The following USH2A variants were observed in gnomAD, a reference collection of about 807,000 sequenced individuals.
USH2A encodes the protein Usher syndrome 2A (autosomal recessive, mild).
In USH2A, 443 loss-of-function variants were observed where a neutral mutation model predicts 538.9. That is an observed-to-expected ratio of 0.82 (90% confidence interval 0.76 to 0.89). The LOEUF (loss-of-function observed/expected upper bound fraction) is 0.89, where lower values mean the gene tolerates loss of function less well. USH2A is among the 40% of genes least tolerant of loss of function. USH2A has a pLI of 0.00. For synonymous variants in USH2A, 2,413 were observed against 2,273.5 expected (o/e 1.06, Z -1.75); for missense variants, 6,633 against 6,324.8 (o/e 1.05, Z -1.65).
At chr1:215,998,813 GA>G in intron 34 of USH2A, 73 bp downstream of exon 34, 1 of 1,513,802 alleles carries the variant, frequency 6.6e-7, no homozygotes. Flanking sequence ...GAGAGAGAAA[GA>G]AAAGATGGAC....
chr1:215,733,175 C>T (rs1187076397), intron 60 of USH2A, among the ~76,000 whole-genome samples: 4 of 120,906 alleles, frequency 3.3e-5, no homozygotes, highest in Non-Finnish European at 4.7e-5. Context: ...GTGCAGAGAG[C>T]AGGAGCAAGA....
chr1:215,850,280 A>G (rs148021017), intron 44 of USH2A, among the ~76,000 whole-genome samples: 23 of 152,332 alleles, frequency 1.5e-4, no homozygotes, highest in Admixed American at 1.4e-3. Flanking sequence ...ATTAGTAACC[A>G]TTAATATCAT....
At chr1:216,250,843 A>C in intron 12 of USH2A, 60 bp downstream of exon 12, 3 of 1,566,736 alleles carry the variant, frequency 1.9e-6, no homozygotes, top group Non-Finnish European at 2.6e-6. Context: ...GAAATCAAAT[A>C]GAGAATTTTA....
In USH2A at chr1:216,261,580, A is replaced by C. The variant is rs1008625871; in HGVS notation, c.1972-10482T>G. 5.3e-5 allele frequency among the ~76,000 whole-genome samples: 8 copies of C among 152,150 alleles called. 1 individual carries two copies. Among genetic ancestry groups the C allele is most frequent in the African/African-American group, 1.9e-4 (8 of 41,432 alleles). On this transcript the variant is annotated intron_variant, in intron 11 of 71. Coordinates refer to ENST00000307340, the MANE Select transcript of USH2A (RefSeq NM_206933.4). ...TTTTCAGAAATACACCAAAAGGAAAAAAAATTAAAGGAATAAGTTAATAAA... is the reference window on the plus strand; with the variant it reads ...TTTTCAGAAATACACCAAAAGGAAACAAAATTAAAGGAATAAGTTAATAAA...
intron 3 of USH2A, among the ~76,000 whole-genome samples, chr1:216,386,625 G>A (rs906583920): frequency 6.6e-6 from 1 of 150,454 alleles, no homozygotes; most frequent in Non-Finnish European, 1.5e-5. Flanking sequence ...GGAGGCTGAG[G>A]TAGGCAGATC....
intron 14 of USH2A, among the ~76,000 whole-genome samples, chr1:216,230,601 C>G (rs553066685): frequency 6.6e-6 from 1 of 151,622 alleles, no homozygotes; most frequent in African/African-American, 2.4e-5. Flanking sequence ...CAGTAATTAC[C>G]CTGTCACCTG....
chr1:215,916,738 T>A (rs1343394824), intron 38 of USH2A, among the ~76,000 whole-genome samples: 2 of 151,974 alleles, frequency 1.3e-5, no homozygotes, highest in Non-Finnish European at 2.9e-5. Flanking sequence ...GGGGCAGAGG[T>A]GGGTCAAGGG....
chr1:215,768,611 C>T (rs1244013540), intron 55 of USH2A, among the ~76,000 whole-genome samples: 6 of 152,060 alleles, frequency 3.9e-5, no homozygotes, highest in Non-Finnish European at 8.8e-5. Context: ...TAAGCCGTAC[C>T]CAAGCCACAT....
chr1:215,958,240 C>T (rs1426140264), intron 37 of USH2A, among the ~76,000 whole-genome samples: 2 of 151,968 alleles, frequency 1.3e-5, no homozygotes, highest in Admixed American at 6.6e-5. Flanking sequence ...CTCTGGGTAA[C>T]CTTGAAAAAT....
intron 21 of USH2A, among the ~76,000 whole-genome samples, chr1:216,138,581 T>A (rs1424940174): frequency 6.6e-6 from 1 of 152,178 alleles, no homozygotes; most frequent in Non-Finnish European, 1.5e-5. Context: ...AGTCCTCTTT[T>A]TTGGCTCATC....
rs767560250 is a variant in USH2A, at chr1:215,790,009, T to C, written c.10182+50A>G. 8.4e-6 allele frequency: 13 copies of C among 1,539,216 alleles called. No individual in the cohort carries two copies. The African/African-American group carries it at 1.8e-4, about 21-fold the overall frequency. ...GAAAAATAGTTATGAACAATGTATT[T>C]CTCTTTCCATTGTCAAATCAGCGCC... On this transcript the variant is annotated intron_variant, in intron 51 of 71. Transcript: ENST00000307340.
chr1:216,274,548 G>T (rs1305769873), intron 11 of USH2A, among the ~76,000 whole-genome samples: 1 of 152,054 alleles, frequency 6.6e-6, no homozygotes, highest in Non-Finnish European at 1.5e-5. Flanking sequence ...CCACATTAAT[G>T]TAACAGGCTA....
chr1:216,343,504 C>G (rs927892442), intron 4 of USH2A, among the ~76,000 whole-genome samples: 1 of 144,598 alleles, frequency 6.9e-6, no homozygotes, highest in Non-Finnish European at 1.5e-5. Flanking sequence ...CCAGCCTGGG[C>G]GACAAAGCAA....
chr1:215,753,146 A>C (rs1264882259), intron 58 of USH2A, among the ~76,000 whole-genome samples: 1 of 152,114 alleles, frequency 6.6e-6, no homozygotes, highest in East Asian at 1.9e-4. Context: ...GCAATCATTA[A>C]AAAGTCAGGA....
intron 4 of USH2A, among the ~76,000 whole-genome samples, chr1:216,354,892 C>T (rs553638852): frequency 2.6e-5 from 4 of 152,076 alleles, no homozygotes; most frequent in African/African-American, 9.6e-5. Flanking sequence ...AAAACACCAA[C>T]GTACATATCC....
intron 21 of USH2A, among the ~76,000 whole-genome samples, chr1:216,148,569 A>G (rs1376342988): frequency 1.3e-5 from 2 of 152,156 alleles, no homozygotes; most frequent in Non-Finnish European, 2.9e-5. Flanking sequence ...AAAGGATTAA[A>G]GCCTGTTATC....
Position 216,093,373 on chromosome 1 carries a change from C to T in USH2A, c.4758+3710G>A, listed in dbSNP as rs189333719. ...CAACTGGGAAAACTAATAGCAGTGACGAGTACTCTAAGCAATTGTGTGAAT... is the reference window on the plus strand; with the variant it reads ...CAACTGGGAAAACTAATAGCAGTGATGAGTACTCTAAGCAATTGTGTGAAT... On this transcript the variant is annotated intron_variant, in intron 22 of 71. Coordinates refer to ENST00000307340, the MANE Select transcript of USH2A (RefSeq NM_206933.4). Among the ~76,000 whole-genome samples the T allele has an allele frequency of 1.0e-3, 158 of 152,250 alleles. 1 individual carries two copies. The highest frequency in any genetic ancestry group is 1.3e-3 in the Admixed American group (20 of 15,294).
chr1:215,784,190 G>T (rs1661725128), intron 52 of USH2A, among the ~76,000 whole-genome samples: 1 of 151,982 alleles, frequency 6.6e-6, no homozygotes, highest in Non-Finnish European at 1.5e-5. Flanking sequence ...AGCTTCTAGT[G>T]GTCACATGAC....
intron 67 of USH2A, among the ~76,000 whole-genome samples, chr1:215,644,903 T>C (rs983938588): frequency 6.6e-6 from 1 of 151,840 alleles, no homozygotes. Context: ...ATTAGAAGGG[T>C]AGAAGGAACT....
Sources: gnomAD v4.1 joint callset for allele counts (sites outside exome capture counted in the v4.1 genomes callset) on GRCh38, gnomAD v4.1.1 for gene constraint, MANE v1.5 for transcripts, NCBI Gene and HGNC (gene_info 2026-07-23, HGNC 2026-07-21) for gene names.